ICAM1: variants seen among roughly 807,000 people sequenced by gnomAD.
ICAM1 encodes the protein intercellular adhesion molecule 1.
Under a neutral mutation model 42.3 loss-of-function variants are expected in ICAM1, and 28 were observed. The observed-to-expected ratio is 0.66, with a 90% confidence interval of 0.49 to 0.91. The LOEUF (loss-of-function observed/expected upper bound fraction) is 0.91. Among genes scored for constraint, ICAM1 ranks in the 40% least tolerant of loss-of-function variants. ICAM1 has a pLI of 0.00. For missense variants in ICAM1, 637 were observed against 688.6 expected, an observed-to-expected ratio of 0.93 and a Z score of 0.84; for synonymous variants, 304 against 305.9, an observed-to-expected ratio of 0.99 and a Z score of 0.07.
rs764794802 is a variant in ICAM1, at chr19:10,284,414, C to T, written c.937C>T (p.Pro313Ser). ...TGTGCCTATTCCAGGCTTTCCGGCGCCCAACGTGATTCTGACGAAGCCAGA... is the reference window on the plus strand; with the variant it reads ...TGTGCCTATTCCAGGCTTTCCGGCGTCCAACGTGATTCTGACGAAGCCAGA... ...QTVTIYSFPA[P>S]NVILTKPEVS... Residue 313 changes from proline (P) to serine (S), a missense_variant, in exon 5 of 7, where the codon CCC becomes TCC. Coordinates refer to ENST00000264832, the MANE Select transcript of ICAM1 (RefSeq NM_000201.3). The surrounding 1 kb of genome is among the most constrained non-coding windows in gnomAD (Gnocchi z 5.4). 9.3e-6 allele frequency: 15 copies of T among 1,613,250 alleles called. No individual in the cohort carries two copies. The South Asian group carries it at 1.6e-4, about 18-fold the overall frequency.
chr19:10,281,326 T>C (rs1599268636), intron 2 of ICAM1, among the ~76,000 whole-genome samples: 2 of 150,498 alleles, frequency 1.3e-5, no homozygotes, highest in African/African-American at 4.9e-5. Context: ...GGTCTTGCAA[T>C]GTTGCCCAAG....
intron 1 of ICAM1, among the ~76,000 whole-genome samples, chr19:10,273,679 T>C (rs1348200379): frequency 2.0e-5 from 3 of 149,096 alleles, no homozygotes; most frequent in African/African-American, 7.4e-5. Flanking sequence ...AAAAAAGTGA[T>C]GGCTAAAGTC....
chr19:10,278,974 G>A (rs2145494058), intron 2 of ICAM1, among the ~76,000 whole-genome samples: 1 of 152,270 alleles, frequency 6.6e-6, no homozygotes, highest in South Asian at 2.1e-4. Context: ...GCTGGCACAG[G>A]TAGCAAAGGA....
At position 10,285,907 on chromosome 19, in the gene ICAM1, C is replaced by T. The variant is rs1002582178; in HGVS notation, c.*620C>T. On this transcript the variant is annotated 3_prime_UTR_variant, in exon 7 of 7. Transcript: ENST00000264832. ...TAATCACATTCAAGGTCACCAGGTACAGTTGTACAGGTTGTACACTGCAGG... is the reference window on the plus strand; with the variant it reads ...TAATCACATTCAAGGTCACCAGGTATAGTTGTACAGGTTGTACACTGCAGG... 6 of 154,366 alleles carry T rather than the reference C, an allele frequency of 3.9e-5. No homozygotes were observed. Among genetic ancestry groups the T allele is most frequent in the African/African-American group, 1.4e-4 (6 of 41,458 alleles). 9.6% of individuals were successfully genotyped at this position (154,366 alleles called of 1,614,324 possible). A position where few individuals can be genotyped will look rare whatever the true frequency, so the allele number is the denominator to read the frequency against.
chr19:10,276,222 G>A (rs967032865), intron 2 of ICAM1, among the ~76,000 whole-genome samples: 1 of 151,430 alleles, frequency 6.6e-6, no homozygotes, highest in Non-Finnish European at 1.5e-5. Flanking sequence ...CTAGCCCTGG[G>A]ATGGCATTTT....
chr19:10,276,182 TA>T (rs569643341), intron 2 of ICAM1, among the ~76,000 whole-genome samples: 3,669 of 139,078 alleles, frequency 0.026, 49 homozygotes, highest in East Asian at 0.068. Context: ...CATTTTTATT[TA>T]AAAAAAAAAA....
At position 10,284,060 on chromosome 19, in the gene ICAM1, T is replaced by G. The variant is rs556179599; in HGVS notation, c.665T>G (p.Val222Gly). 2.5e-6 allele frequency: 4 copies of G among 1,613,784 alleles called. No homozygotes were observed. In the East Asian group the frequency reaches 8.9e-5, roughly 36 times the overall value. Residue 222 changes from valine to glycine, a missense_variant, in exon 4 of 7, where the codon GTC (valine) becomes GGC (glycine). Transcript: ENST00000264832. This position sits in a 1 kb window ranked among gnomAD's most constrained non-coding sequence, Gnocchi z 5.4. ...FVLPATPPQL[V>G]SPRVLEVDTQ... ...CTGCCAGCGACTCCCCCACAACTTG[T>G]CAGCCCCCGGGTCCTAGAGGTGGAC...
In ICAM1 at chr19:10,283,634, C is replaced by A. The variant is rs367947901; in HGVS notation, c.485C>A (p.Ala162Asp). ...GAGAAGGAGCTGAAACGGGAGCCAG[C>A]TGTGGGGGAGCCCGCTGAGGTCACG... is the stretch of plus-strand genomic sequence containing the variant. ...RGEKELKREP[A>D]VGEPAEVTTT... is the part of the protein sequence containing the mutation. The change falls in exon 3 of 7, where the codon GCT becomes GAT. Residue 162 changes from alanine to aspartate, a missense_variant. Coordinates refer to ENST00000264832, the MANE Select transcript of ICAM1 (RefSeq NM_000201.3). 6.2e-7 allele frequency: 1 copy of A among 1,613,816 alleles called. No homozygotes were observed. The highest frequency in any genetic ancestry group is 1.3e-5 in the African/African-American group (1 of 74,932).
At chr19:10,272,789 C>T (rs1964655181) in intron 1 of ICAM1, among the ~76,000 whole-genome samples, 2 of 151,884 alleles carry the variant, frequency 1.3e-5, no homozygotes, top group African/African-American at 4.8e-5. Context: ...GCCCACCCTG[C>T]CTCCCAAAGT....
chr19:10,283,302 AC>A, intron 2 of ICAM1, 178 bp from the exon 3 acceptor site: 1 of 574,196 alleles, frequency 1.7e-6, no homozygotes, highest in South Asian at 2.8e-5. Flanking sequence ...CCCTTCACAA[AC>A]ACTCGGGGCC....
rs2040082067 is a variant in ICAM1, at chr19:10,283,960, G to C, written c.638-73G>C. On this transcript the variant is annotated intron_variant, in intron 3 of 6. Transcript: ENST00000264832. ...CCCTGGAAGAGGATCTCGCAGGAGGGGGAATGAAATGCCCCAGAGAAGGGC... is the reference window on the plus strand; with the variant it reads ...CCCTGGAAGAGGATCTCGCAGGAGGCGGAATGAAATGCCCCAGAGAAGGGC... 2.0e-6 allele frequency: 3 copies of C among 1,533,648 alleles called. No individual in the cohort carries two copies. In the South Asian group the frequency reaches 3.7e-5, roughly 19 times the overall value.
chr19:10,277,964 G>A (rs956139220), intron 2 of ICAM1, among the ~76,000 whole-genome samples: 5 of 152,210 alleles, frequency 3.3e-5, no homozygotes, highest in Admixed American at 6.5e-5. Flanking sequence ...TTAGAAGGCC[G>A]AAGTAGAAGG....
intron 1 of ICAM1, among the ~76,000 whole-genome samples, chr19:10,272,560 CT>C (rs1174775027): frequency 1.5e-3 from 82 of 56,124 alleles, no homozygotes; most frequent in East Asian, 2.5e-3. Context: ...CTTTTCTTTT[CT>C]TTTTTTTTTT....
At chr19:10,276,857 C>T (rs1410960559) in intron 2 of ICAM1, among the ~76,000 whole-genome samples, 2 of 151,706 alleles carry the variant, frequency 1.3e-5, no homozygotes, top group Non-Finnish European at 2.9e-5. Context: ...TACCTGTAAT[C>T]CCAGCTACTC....
chr19:10,278,145 C>T (rs933216131), intron 2 of ICAM1, among the ~76,000 whole-genome samples: 3 of 151,956 alleles, frequency 2.0e-5, no homozygotes, highest in African/African-American at 7.3e-5. Context: ...TGTAGTGAGC[C>T]GTGATGACAC....
chr19:10,275,800 C>T (rs1041382514), intron 2 of ICAM1, among the ~76,000 whole-genome samples: 2 of 149,798 alleles, frequency 1.3e-5, no homozygotes, highest in African/African-American at 2.5e-5. Context: ...CTCCGCCTCC[C>T]GGGTTCACGC....
At chr19:10,274,559 C>T (rs779888215) in intron 1 of ICAM1, among the ~76,000 whole-genome samples, 27 of 152,306 alleles carry the variant, frequency 1.8e-4, no homozygotes, top group Non-Finnish European at 3.8e-4. Context: ...AAGTGATCTG[C>T]CCGCCTTGGC....
intron 6 of ICAM1, 33 bp downstream of exon 6, chr19:10,285,061 G>A (rs551439891): frequency 9.3e-6 from 15 of 1,613,510 alleles, no homozygotes; most frequent in Middle Eastern, 1.7e-4. Context: ...CTGGGTGGGG[G>A]CAGGGGCCAT....
At chr19:10,281,113 T>A (rs918287476) in intron 2 of ICAM1, among the ~76,000 whole-genome samples, 1 of 151,804 alleles carries the variant, frequency 6.6e-6, no homozygotes, top group African/African-American at 2.4e-5. Flanking sequence ...GACCTCGTGA[T>A]CCGCCCGCCT....
Sources: allele counts gnomAD v4.1 joint callset (sites outside exome capture counted in the v4.1 genomes callset), GRCh38; gene constraint gnomAD v4.1.1; non-coding constraint Gnocchi (gnomAD v3.1); transcripts MANE v1.5; gene names NCBI Gene and HGNC (gene_info 2026-07-23, HGNC 2026-07-21).